HSD17B12: variants seen among roughly 807,000 people sequenced by gnomAD.
HSD17B12 encodes the protein hydroxysteroid 17-beta dehydrogenase 12.
In HSD17B12, 32 loss-of-function variants were observed where a neutral mutation model predicts 39.3. The ratio of observed to expected loss-of-function variants is 0.81; its 90% CI spans 0.61 to 1.09. HSD17B12 has a LOEUF of 1.09. HSD17B12 is among the 50% of genes least tolerant of loss of function. HSD17B12 has a pLI of 0.00. For synonymous variants in HSD17B12, 150 were observed against 146.7 expected, an observed-to-expected ratio of 1.02 and a Z score of -0.16; for missense variants, 342 against 382.9, an observed-to-expected ratio of 0.89 and a Z score of 0.89.
the HSD17B12 span, among the ~76,000 whole-genome samples, chr11:43,581,996 G>C: frequency 6.6e-6 from 1 of 152,142 alleles, no homozygotes; most frequent in African/African-American, 2.4e-5. This position sits in a 1 kb window ranked among gnomAD's most constrained non-coding sequence, Gnocchi z 4.9. Flanking sequence ...GTCCTGGTGC[G>C]GGGGACCCGG....
At chr11:43,787,269 G>A (rs555940869) in intron 3 of HSD17B12, among the ~76,000 whole-genome samples, 3 of 152,226 alleles carry the variant, frequency 2.0e-5, no homozygotes, top group South Asian at 4.1e-4. Context: ...TGTTCTGAAA[G>A]TGTTGCAGAA....
chr11:43,763,226 A>G (rs1430853306), intron 3 of HSD17B12, among the ~76,000 whole-genome samples: 1 of 152,222 alleles, frequency 6.6e-6, no homozygotes, highest in Non-Finnish European at 1.5e-5. Context: ...ACCCAAGACA[A>G]GAAATGATTA....
chr11:43,682,957 A>C (rs951561097), intron 1 of HSD17B12, among the ~76,000 whole-genome samples: 5 of 151,444 alleles, frequency 3.3e-5, no homozygotes, highest in African/African-American at 1.2e-4. Context: ...ACACCAGCTC[A>C]TTTTTTTTGT....
chr11:43,673,175 C>T, the HSD17B12 span: 1 of 152,178 alleles, frequency 6.6e-6, no homozygotes, highest in African/African-American at 2.4e-5. Flanking sequence ...ATGAAACTCC[C>T]TGATTATGAA....
chr11:43,755,052 T>C (rs944350417), intron 3 of HSD17B12: 10 of 438,834 alleles, frequency 2.3e-5, no homozygotes, highest in Non-Finnish European at 3.6e-5. Flanking sequence ...TATATACTTT[T>C]ATCCTCACAA....
chr11:43,669,644 T>C, the HSD17B12 span, among the ~76,000 whole-genome samples: 3 of 152,220 alleles, frequency 2.0e-5, no homozygotes, highest in Non-Finnish European at 2.9e-5. Flanking sequence ...CTGGTGGTTG[T>C]TGGCCATTTT....
Position 43,760,479 on chromosome 11 carries a change from G to A in HSD17B12, c.283+6358G>A, listed in dbSNP as rs886836759. 6.6e-5 allele frequency among the ~76,000 whole-genome samples: 10 copies of A among 152,266 alleles called. No individual in the cohort carries two copies. In the East Asian group the frequency reaches 1.7e-3, roughly 26 times the overall value. On this transcript the variant is annotated intron_variant, in intron 3 of 10. Transcript: ENST00000278353. ...TTTGTAACTTATCTCAGGGTGTAAA[G>A]CTTTTGGATGGTCCTGTAACTCCAT...
At chr11:43,560,336 T>C in the HSD17B12 span, among the ~76,000 whole-genome samples, 1 of 152,192 alleles carries the variant, frequency 6.6e-6, no homozygotes, top group African/African-American at 2.4e-5. Flanking sequence ...TGAGGAGAAA[T>C]AGCTATGGAT....
At chr11:43,719,180 A>G (rs751540575) in intron 1 of HSD17B12, 18 of 732,896 alleles carry the variant, frequency 2.5e-5, no homozygotes, top group Non-Finnish European at 3.7e-5. Context: ...AAATATATGT[A>G]TATCTTTTCA....
the HSD17B12 span, among the ~76,000 whole-genome samples, chr11:43,618,807 C>T: frequency 6.6e-6 from 1 of 152,058 alleles, no homozygotes; most frequent in Non-Finnish European, 1.5e-5. Flanking sequence ...ACAGAAACTT[C>T]ATAGTTTAGG....
the HSD17B12 span, among the ~76,000 whole-genome samples, chr11:43,610,682 A>G: frequency 6.6e-6 from 1 of 152,178 alleles, no homozygotes; most frequent in South Asian, 2.1e-4. Flanking sequence ...AAGATGTACA[A>G]GATACTTTGC....
chr11:43,690,217 T>C (rs1169596832), intron 1 of HSD17B12, among the ~76,000 whole-genome samples: 2 of 151,436 alleles, frequency 1.3e-5, no homozygotes, highest in Non-Finnish European at 2.9e-5. Context: ...TGCTCATTTA[T>C]GATGTTTCTG....
At chr11:43,755,003 C>T in intron 3 of HSD17B12, 1 of 614,200 alleles carries the variant, frequency 1.6e-6, no homozygotes, top group Non-Finnish European at 2.9e-6. Context: ...CCCCAGTTTG[C>T]TGACCATTTG....
At chr11:43,566,868 C>T in the HSD17B12 span, among the ~76,000 whole-genome samples, 5 of 152,152 alleles carry the variant, frequency 3.3e-5, no homozygotes, top group Admixed American at 6.5e-5. Context: ...ATCTGTGCCC[C>T]GATAGGTTAG....
chr11:43,619,424 T>C, the HSD17B12 span, among the ~76,000 whole-genome samples: 1 of 148,756 alleles, frequency 6.7e-6, no homozygotes, highest in Non-Finnish European at 1.5e-5. Flanking sequence ...AGTCTCCTTC[T>C]TGTTGCCCAG....
intron 6 of HSD17B12, chr11:43,829,807 G>A (rs1951289721): frequency 6.6e-6 from 1 of 152,022 alleles, no homozygotes; most frequent in Non-Finnish European, 1.5e-5. Context: ...TTCACAAAAT[G>A]CTGGGGGAAC....
At chr11:43,648,957 T>G in the HSD17B12 span, among the ~76,000 whole-genome samples, 23 of 152,302 alleles carry the variant, frequency 1.5e-4, no homozygotes, top group Non-Finnish European at 2.9e-4. Flanking sequence ...GTCTCGAACT[T>G]CAGACCTCAG....
intron 4 of HSD17B12, among the ~76,000 whole-genome samples, chr11:43,811,059 G>A (rs1951069070): frequency 6.6e-6 from 1 of 152,090 alleles, no homozygotes; most frequent in African/African-American, 2.4e-5. Flanking sequence ...ATATTATAAT[G>A]GGAGTATTTC....
chr11:43,711,214 G>T (rs1035759199), intron 1 of HSD17B12, among the ~76,000 whole-genome samples: 2 of 152,114 alleles, frequency 1.3e-5, no homozygotes, highest in Admixed American at 6.5e-5. Context: ...TTGAAAGCTT[G>T]TTTAATATTT....
Sources: allele counts gnomAD v4.1 joint callset (sites outside exome capture counted in the v4.1 genomes callset), GRCh38; gene constraint gnomAD v4.1.1; non-coding constraint Gnocchi (gnomAD v3.1); transcripts MANE v1.5; gene names NCBI Gene and HGNC (gene_info 2026-07-23, HGNC 2026-07-21).